APC: variants seen among roughly 807,000 people sequenced by gnomAD.
The protein encoded by APC is APC regulator of Wnt signaling pathway.
In APC, 72 loss-of-function variants were observed where a neutral mutation model predicts 247.0. The ratio of observed to expected loss-of-function variants is 0.29; its 90% CI spans 0.24 to 0.35. The LOEUF (loss-of-function observed/expected upper bound fraction) is 0.35. Ranked by LOEUF, APC falls within the 10% of genes least tolerant of loss-of-function variation. The pLI is 1.00. For synonymous variants in APC, 1,254 were observed against 1,162.5 expected, an observed-to-expected ratio of 1.08 and a Z score of -1.60; for missense variants, 3,400 against 3,360.7, an observed-to-expected ratio of 1.01 and a Z score of -0.29.
chr5:112,812,060 C>A (rs1166141726), intron 8 of APC, among the ~76,000 whole-genome samples: 1 of 152,186 alleles, frequency 6.6e-6, no homozygotes, highest in Non-Finnish European at 1.5e-5. Context: ...GTAACGCTTC[C>A]CTCAGAGGGA....
At chr5:112,746,926 A>G (rs907858029) in intron 1 of APC, among the ~76,000 whole-genome samples, 5 of 146,330 alleles carry the variant, frequency 3.4e-5, no homozygotes, top group African/African-American at 7.3e-5. Context: ...TCATAGAATC[A>G]TTTGATAAGG....
chr5:112,739,690 A>G (rs1752765926), intron 1 of APC, among the ~76,000 whole-genome samples: 1 of 152,164 alleles, frequency 6.6e-6, no homozygotes, highest in Non-Finnish European at 1.5e-5. Context: ...GCAACCAAGC[A>G]AGACCCTATC....
Position 112,803,092 on chromosome 5 carries a change from G to T in APC, c.834+1709G>T, listed in dbSNP as rs115915767. Among the ~76,000 whole-genome samples, 230 of 152,172 alleles carry T rather than the reference G, an allele frequency of 1.5e-3. 7 individuals carry two copies. In the South Asian group the frequency reaches 0.047, roughly 31 times the overall value. ...CAAATTAAAACTAAAGTCAGATTTC[G>T]TGGGGGGGCCATTTAGTTGGCAAAA... On this transcript the variant is annotated intron_variant, in intron 8 of 15. Coordinates refer to ENST00000257430, the MANE Select transcript of APC (RefSeq NM_000038.6).
intron 1 of APC, among the ~76,000 whole-genome samples, chr5:112,741,655 A>G (rs1056132594): frequency 1.3e-5 from 2 of 152,164 alleles, no homozygotes; most frequent in Admixed American, 1.3e-4. Context: ...AGCACTTTTA[A>G]TTGTACAGTT....
chr5:112,708,331 A>G (rs1374981486), intron 1 of APC, among the ~76,000 whole-genome samples: 1 of 152,166 alleles, frequency 6.6e-6, no homozygotes, highest in Non-Finnish European at 1.5e-5. Flanking sequence ...AGGCCGGTGA[A>G]TTTTGTTCAC....
At chr5:112,817,372 A>C (rs1762617920) in intron 9 of APC, among the ~76,000 whole-genome samples, 1 of 152,226 alleles carries the variant, frequency 6.6e-6, no homozygotes, top group African/African-American at 2.4e-5. Flanking sequence ...TAGAATAATC[A>C]ATGATATTCT....
intron 1 of APC, among the ~76,000 whole-genome samples, chr5:112,745,449 T>A (rs1002215125): frequency 6.6e-6 from 1 of 152,064 alleles, no homozygotes; most frequent in Admixed American, 6.6e-5. Context: ...AAGGCTGTAC[T>A]AAGAGAAAAA....
At chr5:112,717,850 TA>T (rs1429827891) in intron 1 of APC, among the ~76,000 whole-genome samples, 29 of 151,448 alleles carry the variant, frequency 1.9e-4, no homozygotes, top group African/African-American at 6.0e-4. Context: ...GGGACTAGTT[TA>T]GTATGTTAGG....
rs1281933108 is a variant in APC, at chr5:112,840,705, A to G, written c.5111A>G (p.Lys1704Arg). The G allele has an allele frequency of 6.2e-7, 1 of 1,614,118 alleles. No homozygotes were observed. The highest frequency in any genetic ancestry group is 8.5e-7 in the Non-Finnish European group (1 of 1,179,990). ...AGTACAGATGAGGCTCAAGGAGGAAAAACCTCATCTGTAACCATACCTGAA... is the reference window on the plus strand; with the variant it reads ...AGTACAGATGAGGCTCAAGGAGGAAGAACCTCATCTGTAACCATACCTGAA... ...GRSTDEAQGG[K>R]TSSVTIPELD... The change falls in exon 16 of 16, where the codon AAA (lysine) becomes AGA (arginine). Residue 1704 changes from lysine to arginine, a missense_variant. Physicochemically the swap from Lys to Arg is conservative, Grantham distance 26 (BLOSUM62 2). This residue lies in a region of APC where 1,788 missense variants were observed against 1,649.5 expected (regional missense o/e 1.08). Transcript: ENST00000257430. The surrounding 1 kb of genome is among the most constrained non-coding windows in gnomAD (Gnocchi z 4.1).
At chr5:112,791,156 A>AC (rs1561500046) in intron 6 of APC, among the ~76,000 whole-genome samples, 1 of 150,672 alleles carries the variant, frequency 6.6e-6, no homozygotes, top group African/African-American at 2.4e-5. Context: ...TAGCTTAAAA[A>AC]ACACACACAC....
At chr5:112,834,924 G>C (rs1274673286) in intron 14 of APC, 27 bp from the exon 15 acceptor site, 4 of 1,592,034 alleles carry the variant, frequency 2.5e-6, no homozygotes, top group Non-Finnish European at 3.4e-6. Flanking sequence ...ACTCTAATTA[G>C]ATGACCCATA....
rs1479359302 is a variant in APC, at chr5:112,840,482, G to A, written c.4888G>A (p.Val1630Ile). ...AAACAGGTTGCAACCCCAAAAGCATGTTAGTTTTACACCGGGGGATGATAT... is the reference window on the plus strand; with the variant it reads ...AAACAGGTTGCAACCCCAAAAGCATATTAGTTTTACACCGGGGGATGATAT... The part of the protein sequence containing the change: ...SQNRLQPQKH[V>I]SFTPGDDMPR... Residue 1630 changes from valine to isoleucine, a missense_variant, in exon 16 of 16, where the codon GTT becomes ATT. This residue lies in a region of APC where 1,788 missense variants were observed against 1,649.5 expected (regional missense o/e 1.08). Coordinates refer to ENST00000257430, the MANE Select transcript of APC (RefSeq NM_000038.6). This position sits in a 1 kb window ranked among gnomAD's most constrained non-coding sequence, Gnocchi z 4.1. The A allele has an allele frequency of 1.2e-6, 2 of 1,614,160 alleles. No individual in the cohort carries two copies. Among genetic ancestry groups the A allele is most frequent in the East Asian group, 2.2e-5 (1 of 44,876 alleles).
At chr5:112,734,331 C>T (rs113002359), upstream of APC, among the ~76,000 whole-genome samples, 1,173 of 152,268 alleles carry the variant, frequency 7.7e-3, 13 homozygotes, top group African/African-American at 0.026. Context: ...ACCTCGTTCT[C>T]GTATCCCATG....
chr5:112,798,506 A>G (rs1317482485), intron 7 of APC, among the ~76,000 whole-genome samples: 1 of 152,248 alleles, frequency 6.6e-6, no homozygotes, highest in Non-Finnish European at 1.5e-5. Flanking sequence ...TCTAAAAGTC[A>G]TTTAATTGAA....
chr5:112,757,458 G>A (rs969113177), intron 2 of APC, among the ~76,000 whole-genome samples: 2 of 152,032 alleles, frequency 1.3e-5, no homozygotes, highest in Non-Finnish European at 2.9e-5. Flanking sequence ...AGGAGGCTGG[G>A]CACCGTGGCT....
chr5:112,769,050 CTTTTTT>C (rs11379766), intron 4 of APC, among the ~76,000 whole-genome samples: 5 of 96,824 alleles, frequency 5.2e-5, no homozygotes, highest in Admixed American at 1.3e-4. Flanking sequence ...TTTTTTTCTT[CTTTTTT>C]TTTTTTTTTT....
chr5:112,822,325 A>G (rs1432730454), intron 11 of APC, among the ~76,000 whole-genome samples: 2 of 152,102 alleles, frequency 1.3e-5, no homozygotes, highest in East Asian at 3.9e-4. Context: ...GAGGATGGTA[A>G]TTTGAATTAT....
intron 1 of APC, among the ~76,000 whole-genome samples, chr5:112,721,208 G>A (rs1294663170): frequency 3.3e-5 from 5 of 152,094 alleles, no homozygotes; most frequent in Non-Finnish European, 5.9e-5. Flanking sequence ...GAGGTCAGGA[G>A]TTCGAGACCA....
At chr5:112,792,582 A>C (rs920520887) in intron 7 of APC, 53 bp downstream of exon 7, 2 of 1,300,712 alleles carry the variant, frequency 1.5e-6, no homozygotes, top group Non-Finnish European at 2.2e-6. Context: ...AGTTATTCTG[A>C]GAAAAGAAAA....
Sources: allele counts gnomAD v4.1 joint callset (sites outside exome capture counted in the v4.1 genomes callset), GRCh38; gene constraint gnomAD v4.1.1; regional missense constraint gnomAD v4.1.1; non-coding constraint Gnocchi (gnomAD v3.1); transcripts MANE v1.5; gene names NCBI Gene and HGNC (gene_info 2026-07-23, HGNC 2026-07-21).